Variants in MUC4 observed in about 807,000 individuals in gnomAD.
MUC4 encodes the protein mucin-4.
Under a neutral mutation model 257.9 loss-of-function variants are expected in MUC4, and 202 were observed. The ratio of observed to expected loss-of-function variants is 0.78; its 90% CI spans 0.70 to 0.88. The LOEUF is 0.88. Ranked by LOEUF, MUC4 falls within the 40% of genes least tolerant of loss-of-function variation. The pLI is 0.00. For synonymous variants in MUC4, 2,351 were observed against 2,757.1 expected, an observed-to-expected ratio of 0.85 and a Z score of 4.62; for missense variants, 5,976 against 6,513.7, an observed-to-expected ratio of 0.92 and a Z score of 2.84.
At chr3:195,799,660 C>T (rs1735054352) in intron 1 of MUC4, among the ~76,000 whole-genome samples, 1 of 152,170 alleles carries the variant, frequency 6.6e-6, no homozygotes. Flanking sequence ...TACTGTTGGA[C>T]AATTAGGATA....
At chr3:195,766,591 G>C (rs917810050) in intron 8 of MUC4, 72 bp downstream of exon 8, 2 of 1,375,692 alleles carry the variant, frequency 1.5e-6, no homozygotes, top group Non-Finnish European at 2.1e-6. Flanking sequence ...CTCTAGGACT[G>C]CGATGGTGTA....
At position 195,811,917 on chromosome 3, in the gene MUC4, C is replaced by A; in HGVS notation, c.-100G>T. 2.5e-6 allele frequency: 3 copies of A among 1,213,770 alleles called. No homozygotes were observed. The highest frequency in any genetic ancestry group is 3.5e-6 in the Non-Finnish European group (3 of 855,282). The allele number at this position is 1,213,770 out of a possible 1,614,324, so 75.2% of individuals were successfully genotyped here. ...GAGCCCGTCCCCTCAGGCGGCTGGC[C>A]CGAACCAAGTGCGTTTCTCCGAAGG... On this transcript the variant is annotated 5_prime_UTR_variant, in exon 1 of 25. Transcript: ENST00000463781.
intron 2 of MUC4, 23 bp downstream of exon 2, chr3:195,778,767 A>C (rs1415243738): frequency 6.3e-7 from 1 of 1,591,400 alleles, no homozygotes; most frequent in Non-Finnish European, 8.6e-7. Flanking sequence ...GGGAGACATA[A>C]AGGCGAGGCA....
chr3:195,789,036 C>G lies in MUC4; in HGVS notation c.2544G>C (p.Leu848=). Residue 848 remains leucine, a synonymous_variant, in exon 2 of 25, where the codon CTG becomes CTC. Coordinates refer to ENST00000463781, the MANE Select transcript of MUC4 (RefSeq NM_018406.7). ...TGGCACCATGACTGGCTGAGGCGGACAGCAATTCGGTTGTTGACTGGGTTG... is the reference window on the plus strand; with the variant it reads ...TGGCACCATGACTGGCTGAGGCGGAGAGCAATTCGGTTGTTGACTGGGTTG... ...SHTTQSTTEL[L]SASASHGAIP... 3 of 1,613,822 alleles carry G rather than the reference C, an allele frequency of 1.9e-6. No individual in the cohort carries two copies. In the African/African-American group the frequency reaches 4.0e-5, roughly 22 times the overall value.
Position 195,750,909 on chromosome 3 carries a change from T to C in MUC4, c.15851A>G (p.Asp5284Gly). 6.2e-7 allele frequency: 1 copy of C among 1,613,654 alleles called. No individual in the cohort carries two copies. The highest frequency in any genetic ancestry group is 2.2e-5 in the East Asian group (1 of 44,850). Residue 5284 changes from aspartate to glycine, a missense_variant, in exon 23 of 25, where the codon GAC becomes GGC. Around this residue, in one of 44 missense-constraint regions of MUC4, gnomAD observed 310 missense variants for 242.1 expected, o/e 1.28. Coordinates refer to ENST00000463781, the MANE Select transcript of MUC4 (RefSeq NM_018406.7). ...CTCACGGGCTGTCACATCGCGCACG[T>C]CTTCCCCGGAGATGGGCTGGAAGAC... is the stretch of plus-strand genomic sequence containing the variant. ...DVVFQPISGE[D>G]VRDVTALNVS...
At chr3:195,775,400 C>A (rs1274980041) in intron 3 of MUC4, among the ~76,000 whole-genome samples, 2 of 117,916 alleles carry the variant, frequency 1.7e-5, no homozygotes, top group African/African-American at 5.8e-5. Flanking sequence ...CACACCCATA[C>A]CTTCCACACC....
chr3:195,761,696 T>TAGA (rs1301543846), intron 14 of MUC4, 111 bp from the exon 15 acceptor site: 1 of 809,508 alleles, frequency 1.2e-6, no homozygotes, highest in Non-Finnish European at 2.0e-6. Context: ...CCTCTGCTCT[T>TAGA]GCACCTGCTG....
chr3:195,761,872 C>A (rs377380134), intron 14 of MUC4, among the ~76,000 whole-genome samples: 4 of 152,252 alleles, frequency 2.6e-5, no homozygotes, highest in South Asian at 2.1e-4. Context: ...CGCAGCCCCC[C>A]CTGATGCTCC....
intron 17 of MUC4, among the ~76,000 whole-genome samples, chr3:195,758,133 G>T (rs1261595172): frequency 6.6e-6 from 1 of 152,234 alleles, no homozygotes; most frequent in Non-Finnish European, 1.5e-5. Flanking sequence ...CTCAGAATTA[G>T]TGCTGGCAAC....
At chr3:195,768,887 G>T in intron 7 of MUC4, 135 bp downstream of exon 7, 1 of 1,183,044 alleles carries the variant, frequency 8.5e-7, no homozygotes, top group African/African-American at 1.5e-5. Flanking sequence ...AGCGGGAGCT[G>T]GAGTCAGCGT....
In MUC4 at chr3:195,788,473, C is replaced by G. The variant is rs545845070; in HGVS notation, c.3107G>C (p.Gly1036Ala). Reference sequence around the variant, plus strand: ...GGTGACAGGAAGAGGGGTGACGTGACCTGTGGATTCTGAGGAAGTGTCGGT... The same window carrying G: ...GGTGACAGGAAGAGGGGTGACGTGAGCTGTGGATTCTGAGGAAGTGTCGGT... ...PVTDTSSESTGHVTPLPVTSF... is the reference protein window; with the variant it reads ...PVTDTSSESTAHVTPLPVTSF... The change falls in exon 2 of 25, where the codon GGT (glycine) becomes GCT (alanine). Residue 1036 changes from glycine (G) to alanine (A), a missense_variant. Around this residue, in one of 44 missense-constraint regions of MUC4, gnomAD observed 1,583 missense variants for 1,257.4 expected, o/e 1.26. Transcript: ENST00000463781. 5.4e-5 allele frequency: 83 copies of G among 1,543,080 alleles called. No homozygotes were observed. In the Admixed American group the frequency reaches 1.5e-3, roughly 27 times the overall value.
At chr3:195,793,273 G>A (rs1734101343) in intron 1 of MUC4, among the ~76,000 whole-genome samples, 1 of 152,108 alleles carries the variant, frequency 6.6e-6, no homozygotes, top group Admixed American at 6.6e-5. Context: ...GAGATGGGTG[G>A]ATCACTTGAG....
chr3:195,790,546 G>A lies in MUC4; in HGVS notation c.1034C>T (p.Thr345Ile). The A allele has an allele frequency of 6.2e-7, 1 of 1,614,024 alleles. No homozygotes were observed. Among genetic ancestry groups the A allele is most frequent in the East Asian group, 2.2e-5 (1 of 44,882 alleles). Reference sequence around the variant, plus strand: ...TAAAACAGTTGATGTTGTAACCGGTGTGAGGGTGTTGAGGGTGTTGATTTG... The same window carrying A: ...TAAAACAGTTGATGTTGTAACCGGTATGAGGGTGTTGAGGGTGTTGATTTG... ...VSQINTLNTL[T>I]PVTTSTVLSS... Residue 345 changes from threonine to isoleucine, a missense_variant, in exon 2 of 25, where the codon ACA becomes ATA. By Grantham distance (89) the Thr-to-Ile change is moderately conservative (BLOSUM62 -1). Transcript: ENST00000463781.
At position 195,786,771 on chromosome 3, in the gene MUC4, GAC is replaced by G. The variant is rs1732262302; in HGVS notation, c.4807_4808del (p.Val1603HisfsTer26). The G allele has an allele frequency of 6.8e-7, 1 of 1,477,604 alleles. No individual in the cohort carries two copies. Among genetic ancestry groups the G allele is most frequent in the African/African-American group, 1.5e-5 (1 of 65,880 alleles). 91.5% of individuals were successfully genotyped at this position (1,477,604 alleles called of 1,614,324 possible). A position where few individuals can be genotyped will look rare whatever the true frequency, so the allele number is the denominator to read the frequency against. ...ASKGDTTPLP[V>X]TSPSSASTGH... ...CTGTAGATGCTGAGGAAGGGCTGGT[GAC>G]AGGAAGAGGGGTGGTGTCACCTTTG... On this transcript the variant is annotated frameshift_variant, in exon 2 of 25. Coordinates refer to ENST00000463781, the MANE Select transcript of MUC4 (RefSeq NM_018406.7). LOFTEE classifies it high-confidence loss of function.
At chr3:195,758,776 G>A (rs868104231) in intron 17 of MUC4, among the ~76,000 whole-genome samples, 1 of 144,436 alleles carries the variant, frequency 6.9e-6, no homozygotes, top group African/African-American at 2.6e-5. Flanking sequence ...TCACCATGTT[G>A]GCCAGACTGG....
rs376198451 is a variant in MUC4, at chr3:195,762,078, C to T, written c.14512+9G>A. ...CGGAGCCTCAGAGGCAGGTCCGAGC[C>T]GCCCTCACCCAGGAGCCCCTCCGTG... On this transcript the variant is annotated intron_variant, in intron 14 of 24. Coordinates refer to ENST00000463781, the MANE Select transcript of MUC4 (RefSeq NM_018406.7). The T allele has an allele frequency of 1.0e-4, 164 of 1,580,220 alleles. 1 individual carries two copies. In the African/African-American group the frequency reaches 2.0e-3, roughly 19 times the overall value.
intron 24 of MUC4, 114 bp from the exon 25 acceptor site, chr3:195,747,494 C>CT: frequency 1.6e-6 from 2 of 1,236,712 alleles, no homozygotes; most frequent in South Asian, 2.7e-5. Flanking sequence ...TCGCCCCACT[C>CT]TCCGGAGAGA....
In MUC4 at chr3:195,755,001, C is replaced by G. The variant is rs2148772258; in HGVS notation, c.15169-629G>C. 2.5e-5 allele frequency among the ~76,000 whole-genome samples: 1 copy of G among 39,292 alleles called. No homozygotes were observed. Among genetic ancestry groups the G allele is most frequent in the East Asian group, 1.2e-3 (1 of 836 alleles). The allele number at this position is 39,292 out of a possible 152,430, so 25.8% of individuals were successfully genotyped here. On this transcript the variant is annotated intron_variant, in intron 18 of 24. Transcript: ENST00000463781. The surrounding 1 kb of genome is among the most constrained non-coding windows in gnomAD (Gnocchi z 5.0). ...ATGTGTGTATGTATCCATGTATGTC[C>G]TATTGCTTGAAAACTGGATTCCTTA...
At chr3:195,797,291 T>TAAATAAATAAATAAATAAAC (rs1734691701) in intron 1 of MUC4, among the ~76,000 whole-genome samples, 1 of 151,616 alleles carries the variant, frequency 6.6e-6, no homozygotes, top group Non-Finnish European at 1.5e-5. Flanking sequence ...AATAAATAAA[T>TAAATAAATAAATAAATAAAC]ATTTTAAAAG....
Sources: allele counts gnomAD v4.1 joint callset (sites outside exome capture counted in the v4.1 genomes callset), GRCh38; gene constraint gnomAD v4.1.1; regional missense constraint gnomAD v4.1.1; non-coding constraint Gnocchi (gnomAD v3.1); transcripts MANE v1.5; gene names NCBI Gene and HGNC (gene_info 2026-07-23, HGNC 2026-07-21).